Variants in RNF180 observed in about 807,000 individuals in gnomAD.
The protein encoded by RNF180 is ring finger protein 180, also known as E3 ubiquitin-protein ligase RNF180.
RNF180 carries 38 observed loss-of-function variants against 59.2 expected under a neutral mutation model. The ratio of observed to expected loss-of-function variants is 0.64; its 90% CI spans 0.50 to 0.84. The LOEUF (loss-of-function observed/expected upper bound fraction) is 0.84. Ranked by LOEUF, RNF180 falls within the 40% of genes least tolerant of loss-of-function variation. RNF180 has a pLI of 0.00. For synonymous variants in RNF180, 262 were observed against 240.3 expected (o/e 1.09, Z -0.84); for missense variants, 705 against 700.9 (o/e 1.01, Z -0.07).
At chr5:64,367,786 C>T (rs1269729635) in intron 7 of RNF180, among the ~76,000 whole-genome samples, 2 of 151,620 alleles carry the variant, frequency 1.3e-5, no homozygotes, top group African/African-American at 4.8e-5. Flanking sequence ...ACCATAGTTG[C>T]TAGTGAGTAC....
At chr5:64,225,688 TGAG>T (rs1195488958) in intron 5 of RNF180, among the ~76,000 whole-genome samples, 1 of 125,464 alleles carries the variant, frequency 8.0e-6, no homozygotes. Context: ...GTCTGGGAAG[TGAG>T]GAGCGCCTCT....
At chr5:64,365,185 T>C (rs1746400516) in intron 7 of RNF180, among the ~76,000 whole-genome samples, 1 of 151,366 alleles carries the variant, frequency 6.6e-6, no homozygotes, top group Non-Finnish European at 1.5e-5. Context: ...TGTGGGTGTT[T>C]AGTGCTGTAA....
At chr5:64,331,684 AG>A (rs751735935) in intron 7 of RNF180, among the ~76,000 whole-genome samples, 3 of 152,156 alleles carry the variant, frequency 2.0e-5, no homozygotes, top group Non-Finnish European at 2.9e-5. Flanking sequence ...ATGTGGGACA[AG>A]AACTCAGGAC....
intron 7 of RNF180, among the ~76,000 whole-genome samples, chr5:64,332,655 G>C (rs946614952): frequency 6.6e-5 from 10 of 152,246 alleles, no homozygotes; most frequent in Non-Finnish European, 1.0e-4. Flanking sequence ...ACCTTTTTCT[G>C]CTTTGGGAAT....
intron 5 of RNF180, among the ~76,000 whole-genome samples, chr5:64,290,037 T>G (rs1227793856): frequency 1.3e-5 from 2 of 152,190 alleles, no homozygotes; most frequent in Admixed American, 1.3e-4. Flanking sequence ...TAATTTTCCC[T>G]CTTAACACGG....
chr5:64,315,260 A>G (rs1008577309), intron 5 of RNF180, among the ~76,000 whole-genome samples: 1 of 152,182 alleles, frequency 6.6e-6, no homozygotes, highest in African/African-American at 2.4e-5. Context: ...GAAAGTTCAA[A>G]TTTTATCATT....
chr5:64,216,678 G>A (rs954573495), intron 4 of RNF180, among the ~76,000 whole-genome samples: 8 of 152,134 alleles, frequency 5.3e-5, no homozygotes, highest in African/African-American at 1.4e-4. Flanking sequence ...TCTTAGGGAT[G>A]TAAATGAGAT....
intron 7 of RNF180, among the ~76,000 whole-genome samples, chr5:64,347,047 C>G (rs1745586715): frequency 6.6e-6 from 1 of 152,182 alleles, no homozygotes; most frequent in Non-Finnish European, 1.5e-5. Context: ...ATAAAGTTAA[C>G]TCTGGCATAT....
intron 5 of RNF180, among the ~76,000 whole-genome samples, chr5:64,285,230 T>C (rs757260836): frequency 2.0e-5 from 3 of 152,160 alleles, no homozygotes; most frequent in Non-Finnish European, 4.4e-5. Flanking sequence ...CTGGTCATTA[T>C]ACTTTGTTTG....
intron 1 of RNF180, among the ~76,000 whole-genome samples, chr5:64,166,656 G>GT (rs1348367254): frequency 3.9e-5 from 6 of 152,170 alleles, no homozygotes; most frequent in African/African-American, 1.4e-4. Context: ...TCTAACAGTT[G>GT]TAAGTGTATC....
intron 5 of RNF180, among the ~76,000 whole-genome samples, chr5:64,299,820 T>C (rs1488043455): frequency 6.6e-6 from 1 of 151,958 alleles, no homozygotes; most frequent in East Asian, 1.9e-4. Flanking sequence ...TAGTCAACTG[T>C]ACTCCAAAAC....
chr5:64,235,787 T>C (rs1394755452), intron 5 of RNF180, among the ~76,000 whole-genome samples: 1 of 152,184 alleles, frequency 6.6e-6, no homozygotes, highest in Admixed American at 6.5e-5. Context: ...AAGATCTGGT[T>C]GTTTAATGTG....
rs1014112364 is a variant in RNF180, at chr5:64,199,963, A to G, written c.1-845A>G. On this transcript the variant is annotated intron_variant, in intron 1 of 7. Coordinates refer to ENST00000389100, the MANE Select transcript of RNF180 (RefSeq NM_001113561.2). ...AGTTAACTGTTCCAATAAGTACAAT[A>G]TAGTGGAGACTTTGTCGCTTTCAGG... Among the ~76,000 whole-genome samples, 15 of 152,190 alleles carry G rather than the reference A, an allele frequency of 9.9e-5. No individual in the cohort carries two copies. In the East Asian group the frequency reaches 1.5e-3, roughly 16 times the overall value.
intron 1 of RNF180, among the ~76,000 whole-genome samples, chr5:64,185,375 T>A (rs748199912): frequency 2.0e-5 from 3 of 152,210 alleles, no homozygotes; most frequent in Non-Finnish European, 4.4e-5. Context: ...CTGCTTTATC[T>A]CATTTTTCTT....
At chr5:64,200,736 C>A in intron 1 of RNF180, 72 bp from the exon 2 acceptor site, 1 of 1,285,886 alleles carries the variant, frequency 7.8e-7, no homozygotes. Flanking sequence ...TAGCTAATGC[C>A]ATGTTAAGGA....
At position 64,170,434 on chromosome 5, in the gene RNF180, C is replaced by T. The variant is rs531059739; in HGVS notation, c.-1+4481C>T. ...CACAATTTAAACAAGCAGTTGTGTTCGGGGTGTTTTTAAGTTAGCCACTGA... is the reference window on the plus strand; with the variant it reads ...CACAATTTAAACAAGCAGTTGTGTTTGGGGTGTTTTTAAGTTAGCCACTGA... On this transcript the variant is annotated intron_variant, in intron 1 of 7. Transcript: ENST00000389100. Among the ~76,000 whole-genome samples, 73 of 152,096 alleles carry T rather than the reference C, an allele frequency of 4.8e-4. 1 individual carries two copies. Among genetic ancestry groups the T allele is most frequent in the Admixed American group, 3.7e-3 (56 of 15,272 alleles).
In RNF180 at chr5:64,247,387, C is replaced by T. The variant is rs574479830; in HGVS notation, c.1227+29991C>T. Among the ~76,000 whole-genome samples the T allele has an allele frequency of 2.2e-4, 33 of 152,296 alleles. 1 individual carries two copies. The South Asian group carries it at 6.8e-3, about 32-fold the overall frequency. ...TCCCATCGTCTCAGCCCAAAATCTC[C>T]TTAAGCTTATAAGCAACTTCAGCAA... On this transcript the variant is annotated intron_variant, in intron 5 of 7. Transcript: ENST00000389100.
At chr5:64,217,572 T>A (rs1752700437) in intron 5 of RNF180, 176 bp downstream of exon 5, 1 of 1,032,168 alleles carries the variant, frequency 9.7e-7, no homozygotes, top group East Asian at 3.2e-5. Context: ...TTGTATCACA[T>A]CATGACTTTA....
intron 5 of RNF180, among the ~76,000 whole-genome samples, chr5:64,247,150 A>G (rs2112260270): frequency 6.6e-6 from 1 of 152,344 alleles, no homozygotes; most frequent in African/African-American, 2.4e-5. Context: ...ACCCACAGCC[A>G]ATATCATACT....
Sources: allele counts gnomAD v4.1 joint callset (sites outside exome capture counted in the v4.1 genomes callset), GRCh38; gene constraint gnomAD v4.1.1; transcripts MANE v1.5; gene names NCBI Gene and HGNC (gene_info 2026-07-23, HGNC 2026-07-21).